DNAJC5B: variants seen among roughly 807,000 people sequenced by gnomAD.
DNAJC5B encodes the protein DnaJ heat shock protein family (Hsp40) member C5 beta.
Under a neutral mutation model 24.7 loss-of-function variants are expected in DNAJC5B, and 23 were observed. That is an observed-to-expected ratio of 0.93 (90% CI 0.67 to 1.32). The LOEUF (loss-of-function observed/expected upper bound fraction) is 1.32. Among genes scored for constraint, DNAJC5B ranks in the 40% most tolerant of loss-of-function variants. DNAJC5B has a pLI of 0.00. For synonymous variants in DNAJC5B, 101 were observed against 90.1 expected (o/e 1.12, Z -0.68); for missense variants, 238 against 240.8 (o/e 0.99, Z 0.08).
At chr8:66,051,441 A>T in intron 2 of DNAJC5B, 90 bp from the exon 3 acceptor site, 1 of 782,070 alleles carries the variant, frequency 1.3e-6, no homozygotes, top group Non-Finnish European at 2.1e-6. Flanking sequence ...TCAAATTGTC[A>T]TTTTACAAAA....
At chr8:66,024,456 A>C (rs765305242) in intron 1 of DNAJC5B, among the ~76,000 whole-genome samples, 12 of 117,570 alleles carry the variant, frequency 1.0e-4, no homozygotes, top group Non-Finnish European at 1.9e-4. Flanking sequence ...TCTAAGTTTT[A>C]GGGTACATGT....
At chr8:66,082,538 T>C (rs1171807257) in intron 5 of DNAJC5B, among the ~76,000 whole-genome samples, 1 of 152,152 alleles carries the variant, frequency 6.6e-6, no homozygotes, top group Non-Finnish European at 1.5e-5. Flanking sequence ...TCTACATGTC[T>C]CTCACTGTTC....
At chr8:66,046,404 C>T (rs138430214) in intron 2 of DNAJC5B, among the ~76,000 whole-genome samples, 1 of 152,324 alleles carries the variant, frequency 6.6e-6, no homozygotes, top group East Asian at 1.9e-4. Flanking sequence ...CAGCTGGACA[C>T]AGTGCAAGGC....
At chr8:66,077,444 A>G (rs1807492869) in intron 4 of DNAJC5B, among the ~76,000 whole-genome samples, 1 of 152,216 alleles carries the variant, frequency 6.6e-6, no homozygotes, top group African/African-American at 2.4e-5. Context: ...AAAGGGCGAC[A>G]TTTTTAAGGG....
intron 3 of DNAJC5B, chr8:66,056,959 T>G (rs1410731237): frequency 6.6e-6 from 1 of 152,000 alleles, no homozygotes; most frequent in African/African-American, 2.4e-5. Flanking sequence ...GCTAACACAG[T>G]GAAAGCCCAT....
chr8:66,065,195 C>A (rs1213825080), intron 3 of DNAJC5B, among the ~76,000 whole-genome samples: 1 of 152,226 alleles, frequency 6.6e-6, no homozygotes, highest in Non-Finnish European at 1.5e-5. Flanking sequence ...ATCTACGGTT[C>A]GTGTTGTTAT....
chr8:66,042,259 T>C (rs1261873734), intron 1 of DNAJC5B, among the ~76,000 whole-genome samples: 1 of 152,242 alleles, frequency 6.6e-6, no homozygotes, highest in Non-Finnish European at 1.5e-5. Context: ...GAATGAATAC[T>C]GCACTTTCTC....
Position 66,080,481 on chromosome 8 carries a change from G to A in DNAJC5B, c.438G>A (p.Val146=). The change falls in exon 5 of 6, where the codon GTG becomes GTA. Residue 146 remains valine (V), a synonymous_variant. Coordinates refer to ENST00000276570, the MANE Select transcript of DNAJC5B (RefSeq NM_033105.6). ...GACACTGCCGGCCCGAGTCATCAGT[G>A]CCAGAAGAGGACTTCTATGTGTCCC... ...CCGHCRPESS[V]PEEDFYVSPE... 6.2e-7 allele frequency: 1 copy of A among 1,613,916 alleles called. No individual in the cohort carries two copies. The highest frequency in any genetic ancestry group is 8.5e-7 in the Non-Finnish European group (1 of 1,179,936).
At chr8:66,065,692 G>T (rs1807176755) in intron 3 of DNAJC5B, among the ~76,000 whole-genome samples, 1 of 152,188 alleles carries the variant, frequency 6.6e-6, no homozygotes, top group African/African-American at 2.4e-5. Flanking sequence ...ATGACCACAA[G>T]AGGCAATAAC....
chr8:66,021,751 G>A (rs1806128788), intron 1 of DNAJC5B, 46 bp downstream of exon 1: 1 of 152,214 alleles, frequency 6.6e-6, no homozygotes, highest in Non-Finnish European at 1.5e-5. Flanking sequence ...AGCACAGACG[G>A]CTTGTGCCCC....
intron 3 of DNAJC5B, among the ~76,000 whole-genome samples, chr8:66,058,269 TTTTTTCTTTAAAGGC>T (rs1267751949): frequency 2.6e-5 from 4 of 152,206 alleles, no homozygotes; most frequent in Non-Finnish European, 5.9e-5. Flanking sequence ...AAGTCTGTCT[TTTTTTCTTTAAAGGC>T]TGTCTTTTTA....
chr8:66,052,249 C>T (rs1000234930), intron 3 of DNAJC5B, among the ~76,000 whole-genome samples: 5 of 151,052 alleles, frequency 3.3e-5, no homozygotes, highest in African/African-American at 4.9e-5. Context: ...TGAGCAACCG[C>T]GCCCTGCCAA....
At chr8:66,029,643 A>G (rs1806318342) in intron 1 of DNAJC5B, among the ~76,000 whole-genome samples, 1 of 152,230 alleles carries the variant, frequency 6.6e-6, no homozygotes, top group Non-Finnish European at 1.5e-5. Flanking sequence ...ACCTCTATTC[A>G]AGAAACAGAG....
At chr8:66,076,185 T>A (rs1563605581) in intron 3 of DNAJC5B, among the ~76,000 whole-genome samples, 1 of 152,260 alleles carries the variant, frequency 6.6e-6, no homozygotes, top group South Asian at 2.1e-4. Flanking sequence ...TGAAGGGGTC[T>A]TAATTTTGTT....
chr8:66,093,020 T>C (rs1807878903), intron 5 of DNAJC5B, among the ~76,000 whole-genome samples: 1 of 152,138 alleles, frequency 6.6e-6, no homozygotes, highest in Non-Finnish European at 1.5e-5. Context: ...ATTTTATGTC[T>C]GTGTGTGCTC....
chr8:66,083,295 G>T (rs1278883826), intron 5 of DNAJC5B, among the ~76,000 whole-genome samples: 1 of 151,836 alleles, frequency 6.6e-6, no homozygotes, highest in African/African-American at 2.4e-5. Flanking sequence ...ACAGGTGTGA[G>T]CCACCACACC....
intron 5 of DNAJC5B, among the ~76,000 whole-genome samples, chr8:66,089,608 A>G (rs1807801978): frequency 6.6e-6 from 1 of 152,064 alleles, no homozygotes; most frequent in Admixed American, 6.5e-5. Flanking sequence ...CTACTCCTTG[A>G]CTCTAGCTAA....
At chr8:66,020,861 C>G (rs939384859), upstream of DNAJC5B, among the ~76,000 whole-genome samples, 11 of 152,248 alleles carry the variant, frequency 7.2e-5, no homozygotes, top group African/African-American at 2.6e-4. Flanking sequence ...TGGTCTCAAA[C>G]TCCTGGGCTC....
chr8:66,090,577 A>G (rs1223744881), intron 5 of DNAJC5B, among the ~76,000 whole-genome samples: 1 of 152,132 alleles, frequency 6.6e-6, no homozygotes, highest in Admixed American at 6.5e-5. Flanking sequence ...GATTCGGTGC[A>G]TAGAAAAATC....
Sources: gnomAD v4.1 joint callset for allele counts (sites outside exome capture counted in the v4.1 genomes callset) on GRCh38, gnomAD v4.1.1 for gene constraint, MANE v1.5 for transcripts, NCBI Gene and HGNC (gene_info 2026-07-23, HGNC 2026-07-21) for gene names.